The following PACRG variants were observed in gnomAD, a reference collection of about 807,000 sequenced individuals.
PACRG encodes parkin coregulated gene protein.
PACRG carries 29 observed loss-of-function variants against 29.7 expected under a neutral mutation model. The observed-to-expected ratio is 0.98, with a 90% confidence interval of 0.73 to 1.33. The LOEUF is 1.33. PACRG is among the 40% of genes most tolerant of loss of function. The pLI is 0.00. For missense variants in PACRG, 279 were observed against 316.2 expected, an observed-to-expected ratio of 0.88 and a Z score of 0.89; for synonymous variants, 116 against 118.7, an observed-to-expected ratio of 0.98 and a Z score of 0.15.
intron 2 of PACRG, among the ~76,000 whole-genome samples, chr6:162,988,535 G>A (rs1006824530): frequency 3.3e-5 from 5 of 152,114 alleles, no homozygotes; most frequent in African/African-American, 1.2e-4. Flanking sequence ...GTTTTGGATA[G>A]GATCAGCTAT....
chr6:162,947,304 T>A (rs12212425), intron 2 of PACRG, among the ~76,000 whole-genome samples: 688 of 55,046 alleles, frequency 0.012, 37 homozygotes, highest in African/African-American at 0.037. Context: ...AATCATATAA[T>A]ATATATAATC....
At position 162,994,529 on chromosome 6, in the gene PACRG, C is replaced by T. The variant is rs867963146; in HGVS notation, c.292-67621C>T. On this transcript the variant is annotated intron_variant, in intron 2 of 4. Transcript: ENST00000366888. Reference sequence around the variant, plus strand: ...GCTGATACCCTTTCTTCCAGTTGATCGCATCGGCTCTTGAGGCTTCTGCAT... The same window carrying T: ...GCTGATACCCTTTCTTCCAGTTGATTGCATCGGCTCTTGAGGCTTCTGCAT... Among the ~76,000 whole-genome samples, 805 of 152,104 alleles carry T rather than the reference C, an allele frequency of 5.3e-3. 6 individuals carry two copies. Among genetic ancestry groups the T allele is most frequent in the African/African-American group, 0.018 (741 of 41,432 alleles).
intron 1 of PACRG, among the ~76,000 whole-genome samples, chr6:162,758,521 AT>A (rs2128287965): frequency 6.6e-6 from 1 of 152,294 alleles, no homozygotes; most frequent in South Asian, 2.1e-4. Flanking sequence ...TTGTGGTACC[AT>A]TTTTGTAGAT....
rs149956655 is a variant in PACRG at position 162,973,583 on chromosome 6, T to G, written c.292-88567T>G. ...CTTTAAAGTTCTAAGTCTTCTTTTT[T>G]GAGATTCCCTTCTACCAGTTTTTTC... On this transcript the variant is annotated intron_variant, in intron 2 of 4. Transcript: ENST00000366888. Among the ~76,000 whole-genome samples, 855 of 152,372 alleles carry G rather than the reference T, an allele frequency of 5.6e-3. 12 individuals carry two copies. Among genetic ancestry groups the G allele is most frequent in the African/African-American group, 0.02 (819 of 41,586 alleles).
intron 4 of PACRG, among the ~76,000 whole-genome samples, chr6:163,172,497 C>T (rs1314575736): frequency 2.6e-5 from 4 of 152,052 alleles, no homozygotes; most frequent in African/African-American, 7.2e-5. Context: ...CACACACACG[C>T]ATGCATGCAC....
chr6:163,278,169 C>A (rs1023133525), intron 4 of PACRG, among the ~76,000 whole-genome samples: 2 of 152,032 alleles, frequency 1.3e-5, no homozygotes, highest in African/African-American at 2.4e-5. Flanking sequence ...CCTTAGCCCA[C>A]TTTTTGATGG....
chr6:162,883,684 CTGTGTGTGTG>C (rs144543802), intron 2 of PACRG, among the ~76,000 whole-genome samples: 9 of 145,742 alleles, frequency 6.2e-5, no homozygotes, highest in African/African-American at 2.0e-4. Context: ...TTTTCAAAAA[CTGTGTGTGTG>C]TGTGTGTGTG....
At chr6:162,870,599 C>G (rs571773330) in intron 2 of PACRG, among the ~76,000 whole-genome samples, 1 of 152,276 alleles carries the variant, frequency 6.6e-6, no homozygotes, top group African/African-American at 2.4e-5. Flanking sequence ...TCCTGAGTCC[C>G]CAAAGTCCAC....
chr6:162,985,076 C>CA (rs1562803593), intron 2 of PACRG, among the ~76,000 whole-genome samples: 1 of 151,666 alleles, frequency 6.6e-6, no homozygotes, highest in Non-Finnish European at 1.5e-5. Flanking sequence ...AAACTGTCAC[C>CA]AAAAAAAGTT....
chr6:163,180,034 G>A (rs529669397), intron 4 of PACRG, among the ~76,000 whole-genome samples: 84 of 152,352 alleles, frequency 5.5e-4, no homozygotes, highest in Admixed American at 1.6e-3. Flanking sequence ...CTGACTTGAA[G>A]TGGTCTTTCT....
At chr6:162,914,279 G>C (rs1796528286) in intron 2 of PACRG, among the ~76,000 whole-genome samples, 1 of 152,006 alleles carries the variant, frequency 6.6e-6, no homozygotes, top group African/African-American at 2.4e-5. Flanking sequence ...ACAGATATAA[G>C]TTGATTCAGT....
rs576726667 is a variant in PACRG at position 163,169,066 on chromosome 6, T to C, written c.613+79658T>C. Reference sequence around the variant, plus strand: ...GGTCCACATGGTCCTAATTGTGTTATTAGTTCTTAGTTTTCCTCTAGGTGC... The same window carrying C: ...GGTCCACATGGTCCTAATTGTGTTACTAGTTCTTAGTTTTCCTCTAGGTGC... On this transcript the variant is annotated intron_variant, in intron 4 of 4. Coordinates refer to ENST00000366888, the MANE Select transcript of PACRG (RefSeq NM_001080379.2). 2.6e-5 allele frequency among the ~76,000 whole-genome samples: 4 copies of C among 152,372 alleles called. No homozygotes were observed. In the East Asian group the frequency reaches 7.7e-4, roughly 29 times the overall value.
At chr6:163,294,050 C>CAAA (rs59095094) in intron 4 of PACRG, among the ~76,000 whole-genome samples, 4,616 of 151,562 alleles carry the variant, frequency 0.03, 231 homozygotes, top group African/African-American at 0.11. Flanking sequence ...CTTTACCCCC[C>CAAA]AAAAAAATTA....
At chr6:162,800,579 G>C (rs1785772301) in intron 1 of PACRG, among the ~76,000 whole-genome samples, 1 of 152,148 alleles carries the variant, frequency 6.6e-6, no homozygotes, top group African/African-American at 2.4e-5. Flanking sequence ...AAAGAATCTG[G>C]TATCTATGAA....
At chr6:162,878,828 T>C (rs1326100712) in intron 2 of PACRG, among the ~76,000 whole-genome samples, 1 of 152,208 alleles carries the variant, frequency 6.6e-6, no homozygotes, top group African/African-American at 2.4e-5. Flanking sequence ...ATAAGCCCCA[T>C]GTTATTCTAA....
At chr6:163,169,839 C>T (rs1778987753) in intron 4 of PACRG, among the ~76,000 whole-genome samples, 2 of 152,218 alleles carry the variant, frequency 1.3e-5, no homozygotes, top group South Asian at 4.1e-4. Flanking sequence ...ACACTCGTGT[C>T]CTTTCTCACA....
chr6:162,994,842 C>G (rs1803818116), intron 2 of PACRG, among the ~76,000 whole-genome samples: 2 of 150,962 alleles, frequency 1.3e-5, no homozygotes, highest in Non-Finnish European at 2.9e-5. Context: ...TCCCGTTTTT[C>G]TGTTCTGTTT....
intron 4 of PACRG, among the ~76,000 whole-genome samples, chr6:163,108,392 CTTTT>C (rs528887997): frequency 1.8e-4 from 16 of 90,534 alleles, no homozygotes; most frequent in Admixed American, 3.3e-4. Flanking sequence ...TTCTCTTTCC[CTTTT>C]TTTTTTTTTT....
chr6:163,142,354 TA>T (rs1777575801), intron 4 of PACRG, among the ~76,000 whole-genome samples: 1 of 152,090 alleles, frequency 6.6e-6, no homozygotes, highest in African/African-American at 2.4e-5. Context: ...AACTCATTCA[TA>T]AATCAATGCA....
Sources: allele counts gnomAD v4.1 joint callset (sites outside exome capture counted in the v4.1 genomes callset), GRCh38; gene constraint gnomAD v4.1.1; transcripts MANE v1.5; gene names NCBI Gene and HGNC (gene_info 2026-07-23, HGNC 2026-07-21).